Variants in KCNAB1 observed in about 807,000 individuals in gnomAD.
KCNAB1 encodes the protein potassium voltage-gated channel subfamily A regulatory beta subunit 1.
A neutral mutation model predicts 64.6 loss-of-function variants in KCNAB1; 35 were observed. That is an observed-to-expected ratio of 0.54 (90% CI 0.41 to 0.72). The LOEUF (loss-of-function observed/expected upper bound fraction) is 0.72, where lower values mean the gene tolerates loss of function less well. Among genes scored for constraint, KCNAB1 ranks in the 30% least tolerant of loss-of-function variants. The pLI is 0.00. For synonymous variants in KCNAB1, 177 were observed against 183.8 expected (o/e 0.96, Z 0.30); for missense variants, 401 against 512.9 (o/e 0.78, Z 2.11).
intron 1 of KCNAB1, among the ~76,000 whole-genome samples, chr3:156,395,547 A>G (rs1713388834): frequency 1.4e-5 from 1 of 72,470 alleles, no homozygotes; most frequent in Non-Finnish European, 2.4e-5. Context: ...TCCGTCTCAA[A>G]AAAAAAAAAA....
At chr3:156,217,611 T>C (rs766321652) in intron 1 of KCNAB1, among the ~76,000 whole-genome samples, 2 of 152,252 alleles carry the variant, frequency 1.3e-5, no homozygotes, top group African/African-American at 2.4e-5. Context: ...GTAGAGACTA[T>C]AGAGCTTATT....
At chr3:156,449,358 G>A (rs547552119) in intron 2 of KCNAB1, among the ~76,000 whole-genome samples, 1 of 152,254 alleles carries the variant, frequency 6.6e-6, no homozygotes, top group Admixed American at 6.5e-5. Flanking sequence ...ACTTATGCCA[G>A]GAGGGTGGTT....
At chr3:156,181,457 C>T (rs947405290) in intron 1 of KCNAB1, among the ~76,000 whole-genome samples, 2 of 152,192 alleles carry the variant, frequency 1.3e-5, no homozygotes, top group African/African-American at 4.8e-5. Context: ...AATTCTCTAG[C>T]AGTGGAGTAA....
At chr3:156,152,659 G>A (rs772187982) in intron 1 of KCNAB1, among the ~76,000 whole-genome samples, 1 of 152,216 alleles carries the variant, frequency 6.6e-6, no homozygotes, top group Non-Finnish European at 1.5e-5. Context: ...GGTGTAAAAT[G>A]TGCAGCTCAT....
chr3:156,138,470 A>C (rs1714503176), intron 1 of KCNAB1, among the ~76,000 whole-genome samples: 1 of 152,158 alleles, frequency 6.6e-6, no homozygotes, highest in East Asian at 1.9e-4. Context: ...TTAGACCTGG[A>C]TGTTCTTGGA....
At chr3:156,126,340 G>T (rs767981669) in intron 1 of KCNAB1, among the ~76,000 whole-genome samples, 44 of 152,292 alleles carry the variant, frequency 2.9e-4, no homozygotes, top group Non-Finnish European at 5.4e-4. Context: ...CTCAAGAAGA[G>T]GCAGTGCAGA....
intron 1 of KCNAB1, among the ~76,000 whole-genome samples, chr3:156,266,264 T>G (rs576072654): frequency 6.6e-5 from 10 of 152,202 alleles, no homozygotes; most frequent in African/African-American, 2.4e-4. Flanking sequence ...TTCATTACTA[T>G]AGAACTATGT....
chr3:156,348,292 A>G (rs954550039), intron 1 of KCNAB1, among the ~76,000 whole-genome samples: 2 of 152,240 alleles, frequency 1.3e-5, no homozygotes, highest in Non-Finnish European at 2.9e-5. Flanking sequence ...GAGTTGGGAA[A>G]GAACTTCGCT....
intron 8 of KCNAB1, among the ~76,000 whole-genome samples, chr3:156,510,711 G>T (rs571727898): frequency 1.3e-5 from 2 of 152,256 alleles, no homozygotes; most frequent in South Asian, 4.1e-4. Context: ...GTCTGCAGTG[G>T]TCTCCCTACA....
rs963691438 is a variant in KCNAB1, at chr3:156,162,568, T to A, written c.275+41682T>A. On this transcript the variant is annotated intron_variant, in intron 1 of 13. Transcript: ENST00000490337. ...GGATGTTACTAAGACCTGGAGTCTC[T>A]TGCTTAAAAAGGATAAGGTAGTTCC... Among the ~76,000 whole-genome samples the A allele has an allele frequency of 2.6e-5, 4 of 152,314 alleles. 1 individual carries two copies. The South Asian group carries it at 8.3e-4, about 32-fold the overall frequency.
At chr3:156,503,156 T>A (rs938764656) in intron 8 of KCNAB1, among the ~76,000 whole-genome samples, 35 of 152,312 alleles carry the variant, frequency 2.3e-4, no homozygotes, top group Middle Eastern at 3.4e-3. Flanking sequence ...TTACTTGGAA[T>A]CACCAGGTTT....
chr3:156,501,703 A>G (rs1716422128), intron 8 of KCNAB1, among the ~76,000 whole-genome samples: 1 of 152,110 alleles, frequency 6.6e-6, no homozygotes, highest in South Asian at 2.1e-4. Context: ...AAGTGCAGGG[A>G]TTACAGGCGT....
chr3:156,332,274 G>C (rs1431217081), intron 1 of KCNAB1, among the ~76,000 whole-genome samples: 1 of 152,074 alleles, frequency 6.6e-6, no homozygotes, highest in Non-Finnish European at 1.5e-5. Context: ...AAGGGGTCAG[G>C]CATAAATAGT....
At chr3:156,211,953 A>C (rs1715034102) in intron 1 of KCNAB1, among the ~76,000 whole-genome samples, 1 of 152,236 alleles carries the variant, frequency 6.6e-6, no homozygotes, top group Non-Finnish European at 1.5e-5. Flanking sequence ...GAAGGGAAAC[A>C]GGGCCAGAAG....
At chr3:156,527,543 C>G (rs1211394482) in intron 12 of KCNAB1, among the ~76,000 whole-genome samples, 2 of 152,268 alleles carry the variant, frequency 1.3e-5, no homozygotes, top group Non-Finnish European at 2.9e-5. Context: ...AAAGAACACT[C>G]TCTTTCTACA....
intron 1 of KCNAB1, among the ~76,000 whole-genome samples, chr3:156,298,604 T>G (rs960113617): frequency 3.9e-5 from 6 of 152,200 alleles, no homozygotes; most frequent in Non-Finnish European, 7.3e-5. Context: ...ATAGTCTATC[T>G]TTAGTATATC....
chr3:156,240,414 C>T (rs558547566), intron 1 of KCNAB1, among the ~76,000 whole-genome samples: 41 of 151,940 alleles, frequency 2.7e-4, no homozygotes, highest in Non-Finnish European at 4.3e-4. Flanking sequence ...ATTAAAATGA[C>T]GTAAAGAGTT....
At chr3:156,123,350 G>A (rs1049822944) in intron 1 of KCNAB1, among the ~76,000 whole-genome samples, 3 of 152,164 alleles carry the variant, frequency 2.0e-5, no homozygotes, top group Non-Finnish European at 2.9e-5. Flanking sequence ...TCCTTTCTTG[G>A]AAGATGGAAT....
intron 1 of KCNAB1, among the ~76,000 whole-genome samples, chr3:156,146,078 A>T (rs903634589): frequency 6.6e-6 from 1 of 152,166 alleles, no homozygotes; most frequent in African/African-American, 2.4e-5. Context: ...TCCCTCGATC[A>T]TCTGTGAGAG....
Sources: gnomAD v4.1 joint callset for allele counts (sites outside exome capture counted in the v4.1 genomes callset) on GRCh38, gnomAD v4.1.1 for gene constraint, MANE v1.5 for transcripts, NCBI Gene and HGNC (gene_info 2026-07-23, HGNC 2026-07-21) for gene names.